The following MTHFS variants were observed in gnomAD, a reference collection of about 807,000 sequenced individuals.
The protein encoded by MTHFS is 5-formyltetrahydrofolate cyclo-ligase.
Under a neutral mutation model 12.7 loss-of-function variants are expected in MTHFS, and 7 were observed. The ratio of observed to expected loss-of-function variants is 0.55; its 90% CI spans 0.31 to 1.03. The LOEUF (loss-of-function observed/expected upper bound fraction) is 1.03, where lower values mean the gene tolerates loss of function less well. MTHFS is among the 50% of genes least tolerant of loss of function. The pLI is 0.05. For synonymous variants in MTHFS, 100 were observed against 97.1 expected, an observed-to-expected ratio of 1.03 and a Z score of -0.18; for missense variants, 252 against 258.1, an observed-to-expected ratio of 0.98 and a Z score of 0.16.
At chr15:79,863,181 T>A (rs1162411729) in intron 2 of MTHFS, among the ~76,000 whole-genome samples, 1 of 152,200 alleles carries the variant, frequency 6.6e-6, no homozygotes, top group Non-Finnish European at 1.5e-5. Flanking sequence ...ACTTGTTCTA[T>A]CCTCTCCATT....
At chr15:79,863,076 G>C (rs969166419) in intron 2 of MTHFS, among the ~76,000 whole-genome samples, 7 of 152,148 alleles carry the variant, frequency 4.6e-5, no homozygotes, top group African/African-American at 1.7e-4. Flanking sequence ...TGCATTCTTT[G>C]CCTAGGTTAA....
At position 79,859,864 on chromosome 15, in the gene MTHFS, T is replaced by C. The variant is rs561798102; in HGVS notation, c.380-14422A>G. On this transcript the variant is annotated intron_variant, in intron 2 of 2. Coordinates refer to ENST00000258874, the MANE Select transcript of MTHFS (RefSeq NM_006441.4). ...CCCTTATTTTCTCTCCCTGTATACA[T>C]AGGGATTCAAATAAAAATTCAAAAA... 2.2e-5 allele frequency among the ~76,000 whole-genome samples: 3 copies of C among 135,676 alleles called. No homozygotes were observed. In the East Asian group the frequency reaches 6.2e-4, roughly 28 times the overall value. The allele number at this position is 135,676 out of a possible 152,430, so 89.0% of individuals were successfully genotyped here. A position where few individuals can be genotyped will look rare whatever the true frequency, so the allele number is the denominator to read the frequency against.
intron 2 of MTHFS, 94 bp from the exon 3 acceptor site, chr15:79,845,536 CT>C: frequency 6.9e-7 from 1 of 1,459,012 alleles, no homozygotes; most frequent in South Asian, 1.4e-5. Flanking sequence ...TCAATTCTTT[CT>C]CTGATTTCTA....
chr15:79,895,597 T>C (rs1365941316), intron 1 of MTHFS, among the ~76,000 whole-genome samples: 1 of 152,210 alleles, frequency 6.6e-6, no homozygotes, highest in East Asian at 1.9e-4. Context: ...GTCTATATCC[T>C]TTACATCTAC....
intron 2 of MTHFS, among the ~76,000 whole-genome samples, chr15:79,875,574 C>G (rs1471408112): frequency 2.0e-5 from 3 of 152,080 alleles, no homozygotes; most frequent in African/African-American, 7.2e-5. Context: ...CAACAATTCA[C>G]TCAAAATACA....
chr15:79,876,153 A>C (rs1411977062), intron 2 of MTHFS: 6 of 152,126 alleles, frequency 3.9e-5, no homozygotes, highest in Non-Finnish European at 7.3e-5. Context: ...TCAACAACAA[A>C]AAAAATATAG....
chr15:79,862,822 A>G (rs1225046310), intron 2 of MTHFS, among the ~76,000 whole-genome samples: 1 of 152,204 alleles, frequency 6.6e-6, no homozygotes, highest in African/African-American at 2.4e-5. Context: ...TAGAAAGGCA[A>G]ATTGATCTTG....
intron 2 of MTHFS, among the ~76,000 whole-genome samples, chr15:79,864,263 G>A (rs1259449030): frequency 6.6e-6 from 1 of 152,016 alleles, no homozygotes; most frequent in Non-Finnish European, 1.5e-5. Context: ...AAGTCCTTGG[G>A]GCCAGGTACG....
In MTHFS at chr15:79,846,261, G is replaced by A. The variant is rs150448497; in HGVS notation, c.380-819C>T. Among the ~76,000 whole-genome samples, 25 of 152,320 alleles carry A rather than the reference G, an allele frequency of 1.6e-4. No individual in the cohort carries two copies. The East Asian group carries it at 4.4e-3, about 27-fold the overall frequency. Reference sequence around the variant, plus strand: ...GGAATGGTACTCCAGCCTCTGGCAAGAAACATGGGGTACCAGTGTCAGCAT... The same window carrying A: ...GGAATGGTACTCCAGCCTCTGGCAAAAAACATGGGGTACCAGTGTCAGCAT... On this transcript the variant is annotated intron_variant, in intron 2 of 2. Coordinates refer to ENST00000258874, the MANE Select transcript of MTHFS (RefSeq NM_006441.4).
At chr15:79,861,260 C>T (rs2033908473) in intron 2 of MTHFS, among the ~76,000 whole-genome samples, 1 of 152,124 alleles carries the variant, frequency 6.6e-6, no homozygotes, top group South Asian at 2.1e-4. Flanking sequence ...CTCAACTCCA[C>T]CTAAGACCAA....
intron 1 of MTHFS, among the ~76,000 whole-genome samples, chr15:79,895,337 A>C (rs1223441219): frequency 2.0e-5 from 3 of 152,230 alleles, no homozygotes. Context: ...TCCAATAGAA[A>C]GCTTTCCAAT....
chr15:79,857,443 T>C (rs954565123), intron 2 of MTHFS, among the ~76,000 whole-genome samples: 4 of 152,206 alleles, frequency 2.6e-5, no homozygotes, highest in African/African-American at 4.8e-5. Context: ...TGGTTCAGTA[T>C]ATTTAACTAA....
At chr15:79,883,330 T>A (rs2034328355) in intron 2 of MTHFS, among the ~76,000 whole-genome samples, 1 of 152,206 alleles carries the variant, frequency 6.6e-6, no homozygotes, top group South Asian at 2.1e-4. Flanking sequence ...GTGTTGATAA[T>A]CTATTCATTT....
chr15:79,869,878 T>C (rs2034073489), intron 2 of MTHFS, among the ~76,000 whole-genome samples: 1 of 151,788 alleles, frequency 6.6e-6, no homozygotes, highest in African/African-American at 2.4e-5. Flanking sequence ...ATTTTGAAAG[T>C]GATGGGGATA....
intron 2 of MTHFS, among the ~76,000 whole-genome samples, chr15:79,882,132 G>A (rs931490031): frequency 6.6e-6 from 1 of 152,176 alleles, no homozygotes; most frequent in African/African-American, 2.4e-5. Flanking sequence ...AACGATTTTT[G>A]TTAAGCTAAA....
intron 2 of MTHFS, among the ~76,000 whole-genome samples, chr15:79,874,870 C>T (rs1596074488): frequency 6.6e-6 from 1 of 152,122 alleles, no homozygotes; most frequent in African/African-American, 2.4e-5. Flanking sequence ...GGTTATCTCC[C>T]TTGTTCCCTG....
In MTHFS at chr15:79,848,876, T is replaced by C. The variant is rs1001258560; in HGVS notation, c.380-3434A>G. On this transcript the variant is annotated intron_variant, in intron 2 of 2. Coordinates refer to ENST00000258874, the MANE Select transcript of MTHFS (RefSeq NM_006441.4). The stretch of plus-strand genomic sequence containing the variant: ...TCATCCTTGGATTTTAATAGAATTT[T>C]AGGCCAAAGAAACCCTGAAAAATGA... Among the ~76,000 whole-genome samples, 15 of 152,300 alleles carry C rather than the reference T, an allele frequency of 9.8e-5. 1 individual carries two copies. The highest frequency in any genetic ancestry group is 2.2e-4 in the African/African-American group (9 of 41,566).
At chr15:79,885,253 T>G (rs1252945560) in intron 2 of MTHFS, among the ~76,000 whole-genome samples, 1 of 152,212 alleles carries the variant, frequency 6.6e-6, no homozygotes, top group South Asian at 2.1e-4. Flanking sequence ...AATGTTTTAT[T>G]TGAGGACTAG....
intron 2 of MTHFS, among the ~76,000 whole-genome samples, chr15:79,862,223 T>C (rs1316548011): frequency 6.6e-6 from 1 of 152,192 alleles, no homozygotes; most frequent in Non-Finnish European, 1.5e-5. Flanking sequence ...ATTTGGCAGC[T>C]TGCACATAAA....
Sources: gnomAD v4.1 joint callset for allele counts (sites outside exome capture counted in the v4.1 genomes callset) on GRCh38, gnomAD v4.1.1 for gene constraint, MANE v1.5 for transcripts, NCBI Gene and HGNC (gene_info 2026-07-23, HGNC 2026-07-21) for gene names.